The following OBSL1 variants were observed in gnomAD, a reference collection of about 807,000 sequenced individuals.
The protein encoded by OBSL1 is obscurin-like protein 1.
In OBSL1, 160 loss-of-function variants were observed where a neutral mutation model predicts 172.0. The observed-to-expected ratio is 0.93, with a 90% CI of 0.82 to 1.06. The LOEUF (loss-of-function observed/expected upper bound fraction) is 1.06, where lower values mean the gene tolerates loss of function less well. Among genes scored for constraint, OBSL1 ranks in the 50% least tolerant of loss-of-function variants. The pLI is 0.00. For missense variants in OBSL1, 2,681 were observed against 2,715.4 expected (o/e 0.99, Z 0.28); for synonymous variants, 1,200 against 1,196.3 (o/e 1.00, Z -0.06).
In OBSL1 at chr2:219,554,624, C is replaced by T; in HGVS notation, c.4726G>A (p.Gly1576Arg). Residue 1576 changes from glycine to arginine, a missense_variant, in exon 15 of 21, where the codon GGA becomes AGA. This residue lies in a region of OBSL1 where 1,765 missense variants were observed against 1,748.3 expected (regional missense o/e 1.01). Transcript: ENST00000404537. ...EGVTGEWARG[G>R]VQLYPGPKCH... The stretch of plus-strand genomic sequence containing the variant: ...TTGGGTCCTGGATACAGCTGTACTC[C>T]ACCCCGGGCCCACTCCCCGGTCACA... 1 of 1,612,210 alleles carries T rather than the reference C, an allele frequency of 6.2e-7. No individual in the cohort carries two copies. Among genetic ancestry groups the T allele is most frequent in the Non-Finnish European group, 8.5e-7 (1 of 1,179,268 alleles).
chr2:219,562,528 C>CG lies in OBSL1; in HGVS notation c.2826dup (p.Ala943ArgfsTer29), dbSNP rs759648512. ...GTGTCTTCCTTCTGCAGGAGCAGCGCGGGGCTCTCCACCACCTCCTCTCCA... is the reference window on the plus strand; with the variant it reads ...GTGTCTTCCTTCTGCAGGAGCAGCGCGGGGGCTCTCCACCACCTCCTCTCCA... On this transcript the variant is annotated frameshift_variant, in exon 8 of 21. Coordinates refer to ENST00000404537, the MANE Select transcript of OBSL1 (RefSeq NM_015311.3). LOFTEE classifies it high-confidence loss of function. 22 of 1,613,834 alleles carry CG rather than the reference C, an allele frequency of 1.4e-5. No homozygotes were observed. The Admixed American group carries it at 3.7e-4, about 27-fold the overall frequency.
chr2:219,566,838 G>A lies in OBSL1; in HGVS notation c.2126C>T (p.Thr709Ile). 5 of 1,579,460 alleles carry A rather than the reference G, an allele frequency of 3.2e-6. No individual in the cohort carries two copies. Among genetic ancestry groups the A allele is most frequent in the Non-Finnish European group, 4.3e-6 (5 of 1,155,872 alleles). The change falls in exon 5 of 21, where the codon ACA (threonine) becomes ATA (isoleucine). Residue 709 changes from threonine to isoleucine, a missense_variant. Around this residue, in one of 5 missense-constraint regions of OBSL1, gnomAD observed 1,765 missense variants for 1,748.3 expected, o/e 1.01. Coordinates refer to ENST00000404537, the MANE Select transcript of OBSL1 (RefSeq NM_015311.3). ...TCCCCACTGGCACCAACCTTGGATT[G>A]TGAGGGCAGCTGAGTCCTGCACGCC... The part of the protein sequence containing the change: ...CPGVQDSAAL[T>I]IQESPVHILS...
Position 219,553,690 on chromosome 2 carries a change from G to A in OBSL1, c.4877-4C>T, listed in dbSNP as rs1426838463. ...CGCACGATGGTCACTGGGACCTCTG[G>A]GGGTGGGAGAGGGAGGACAGTGCAG... On this transcript the variant is annotated splice_polypyrimidine_tract_variant and splice_region_variant and intron_variant, in intron 15 of 20. Transcript: ENST00000404537. 1 of 1,609,916 alleles carries A rather than the reference G, an allele frequency of 6.2e-7. No individual in the cohort carries two copies. Among genetic ancestry groups the A allele is most frequent in the South Asian group, 1.1e-5 (1 of 90,866 alleles).
Position 219,556,218 on chromosome 2 carries a change from C to T in OBSL1, c.4411G>A (p.Glu1471Lys). ...CCCGCTGCACCCACTCGGCCTGTCT[C>T]CACTTCGAGACACACATCCTGGCCT... Reference protein sequence around the residue: ...EEGQDVCLEVETGRVGAAGAV... With the variant: ...EEGQDVCLEVKTGRVGAAGAV... The change falls in exon 14 of 21, where the codon GAG becomes AAG. Residue 1471 changes from glutamate to lysine, a missense_variant. Physicochemically the swap from Glu to Lys is moderately conservative, Grantham distance 56. Around this residue, in one of 5 missense-constraint regions of OBSL1, gnomAD observed 1,765 missense variants for 1,748.3 expected, o/e 1.01. Coordinates refer to ENST00000404537, the MANE Select transcript of OBSL1 (RefSeq NM_015311.3). The T allele has an allele frequency of 6.2e-7, 1 of 1,610,204 alleles. No homozygotes were observed. Among genetic ancestry groups the T allele is most frequent in the South Asian group, 1.1e-5 (1 of 90,690 alleles).
At chr2:219,562,870 TTTC>T in intron 7 of OBSL1, 196 bp from the exon 8 acceptor site, 1 of 640,990 alleles carries the variant, frequency 1.6e-6, no homozygotes, top group East Asian at 2.7e-5. Flanking sequence ...CACAGCAGAC[TTTC>T]TGCTGCGCAG....
chr2:219,555,013 T>A (rs1695896533), intron 14 of OBSL1, among the ~76,000 whole-genome samples: 1 of 152,042 alleles, frequency 6.6e-6, no homozygotes, highest in Non-Finnish European at 1.5e-5. Context: ...GCTGTGACAC[T>A]TGAAGGAGCA....
At chr2:219,547,592 G>A (rs1695416834), downstream of OBSL1, 1 of 1,476,428 alleles carries the variant, frequency 6.8e-7, no homozygotes, top group Non-Finnish European at 9.0e-7. Flanking sequence ...CCGAGAGCGG[G>A]TGCTAGAGAC....
chr2:219,553,694 T>TG lies in OBSL1; in HGVS notation c.4877-9dup. ...CGATGGTCACTGGGACCTCTGGGGG[T>TG]GGGAGAGGGAGGACAGTGCAGAGGG... On this transcript the variant is annotated splice_polypyrimidine_tract_variant and intron_variant, in intron 15 of 20. Coordinates refer to ENST00000404537, the MANE Select transcript of OBSL1 (RefSeq NM_015311.3). The TG allele has an allele frequency of 6.2e-7, 1 of 1,604,382 alleles. No individual in the cohort carries two copies. The highest frequency in any genetic ancestry group is 8.5e-7 in the Non-Finnish European group (1 of 1,173,424).
In OBSL1 at chr2:219,567,852, T is replaced by G; in HGVS notation, c.1400A>C (p.Glu467Ala). ...GCTGCTCTGGCAGATGACCGGCAGC[T>G]CCTCCCCATCACGGCTCCAGCGTCC... ...VEGRWSRDGEELPVICQSSSG... is the reference protein window; with the variant it reads ...VEGRWSRDGEALPVICQSSSG... Residue 467 changes from glutamate (E) to alanine (A), a missense_variant, in exon 3 of 21, where the codon GAG becomes GCG. Physicochemically the swap from Glu to Ala is moderately radical, Grantham distance 107. Coordinates refer to ENST00000404537, the MANE Select transcript of OBSL1 (RefSeq NM_015311.3). The G allele has an allele frequency of 1.2e-6, 2 of 1,613,704 alleles. No individual in the cohort carries two copies. Among genetic ancestry groups the G allele is most frequent in the Non-Finnish European group, 1.7e-6 (2 of 1,179,860 alleles).
At chr2:219,547,946 G>C (rs376842277), downstream of OBSL1, 3 of 1,592,392 alleles carry the variant, frequency 1.9e-6, no homozygotes, top group East Asian at 6.8e-5. Context: ...CTACGTGGTG[G>C]AGCGACTCCG....
rs1229569401 is a variant in OBSL1 at position 219,568,118 on chromosome 2, C to G, written c.1219G>C (p.Asp407His). 2.5e-6 allele frequency: 4 copies of G among 1,613,834 alleles called. No individual in the cohort carries two copies. The South Asian group carries it at 3.3e-5, about 13-fold the overall frequency. Residue 407 changes from aspartate to histidine, a missense_variant, in exon 2 of 21, where the codon GAT becomes CAT. Physicochemically the swap from Asp to His is moderately conservative, Grantham distance 81. This residue lies in a region of OBSL1 where 706 missense variants were observed against 695.8 expected (regional missense o/e 1.01). Transcript: ENST00000404537. The surrounding 1 kb of genome is among the most constrained non-coding windows in gnomAD (Gnocchi z 4.1). ...LIIHRLKADD[D>H]GIYLCEMRGR... ...CGCATCTCGCACAGGTAGATACCAT[C>G]ATCGTCTGCCTTCAGCCTGTGGATG...
At position 219,551,675 on chromosome 2, in the gene OBSL1, G is replaced by A. The variant is rs1172857045; in HGVS notation, c.5537C>T (p.Ala1846Val). 4 of 1,610,716 alleles carry A rather than the reference G, an allele frequency of 2.5e-6. No homozygotes were observed. The Admixed American group carries it at 5.0e-5, about 20-fold the overall frequency. ...GGHVCWLREG[A>V]ELCPGDKYEM... ...ATACTTATCTCCCGGGCACAGCTCGGCCCCCTCCCGCAGCCAGCACACGTG... is the reference window on the plus strand; with the variant it reads ...ATACTTATCTCCCGGGCACAGCTCGACCCCCTCCCGCAGCCAGCACACGTG... Residue 1846 changes from alanine (A) to valine (V), a missense_variant, in exon 20 of 21, where the codon GCC becomes GTC. By Grantham distance (64) the Ala-to-Val change is moderately conservative. Coordinates refer to ENST00000404537, the MANE Select transcript of OBSL1 (RefSeq NM_015311.3).
chr2:219,554,865 A>G, intron 14 of OBSL1, 125 bp from the exon 15 acceptor site: 1 of 1,137,496 alleles, frequency 8.8e-7, no homozygotes, highest in Admixed American at 2.9e-5. Context: ...TGACCAAAAA[A>G]GTTCGGAACC....
In OBSL1 at chr2:219,571,081, T is replaced by C; in HGVS notation, c.152A>G (p.Gln51Arg). Residue 51 changes from glutamine (Q) to arginine (R), a missense_variant, in exon 1 of 21, where the codon CAG becomes CGG. Coordinates refer to ENST00000404537, the MANE Select transcript of OBSL1 (RefSeq NM_015311.3). ...PVVVWEKGGQ[Q>R]LAASERLSFP... Reference sequence around the variant, plus strand: ...GCTCAGGCGTTCCGAGGCCGCCAGCTGCTGCCCGCCCTTCTCCCACACCAC... The same window carrying C: ...GCTCAGGCGTTCCGAGGCCGCCAGCCGCTGCCCGCCCTTCTCCCACACCAC... 1 of 1,469,482 alleles carries C rather than the reference T, an allele frequency of 6.8e-7. No homozygotes were observed. The highest frequency in any genetic ancestry group is 1.3e-5 in the South Asian group (1 of 77,432). The allele number at this position is 1,469,482 out of a possible 1,614,324, so 91.0% of individuals were successfully genotyped here. A position where few individuals can be genotyped will look rare whatever the true frequency, so the allele number is the denominator to read the frequency against.
intron 14 of OBSL1, chr2:219,555,746 C>T: frequency 7.5e-7 from 1 of 1,338,178 alleles, no homozygotes. Context: ...CTGAAGGATG[C>T]CCATGGCAAG....
downstream of OBSL1, among the ~76,000 whole-genome samples, chr2:219,548,543 C>G (rs1574506851): frequency 6.6e-6 from 1 of 152,126 alleles, no homozygotes; most frequent in Admixed American, 6.5e-5. Context: ...GCCAGCCATG[C>G]AAAGAGCTAG....
At position 219,563,479 on chromosome 2, in the gene OBSL1, G is replaced by A. The variant is rs772711993; in HGVS notation, c.2556C>T (p.Phe852=). 50 of 1,613,920 alleles carry A rather than the reference G, an allele frequency of 3.1e-5. No homozygotes were observed. Among genetic ancestry groups the A allele is most frequent in the Middle Eastern group, 1.6e-4 (1 of 6,062 alleles). Residue 852 remains phenylalanine, a synonymous_variant, in exon 7 of 21, where the codon TTC becomes TTT. Coordinates refer to ENST00000404537, the MANE Select transcript of OBSL1 (RefSeq NM_015311.3). ...GGGGCCCCTCATTCTCCAGCACCACGAAGTCACTCTCCTCCACCTCCTGCC... is the reference window on the plus strand; with the variant it reads ...GGGGCCCCTCATTCTCCAGCACCACAAAGTCACTCTCCTCCACCTCCTGCC... ...KDGQEVEESD[F]VVLENEGPHR...
chr2:219,559,725 C>A lies in OBSL1; in HGVS notation c.2954-228G>T, dbSNP rs1462868568. The A allele has an allele frequency of 9.6e-5, 51 of 528,630 alleles. 1 individual carries two copies. The highest frequency in any genetic ancestry group is 2.0e-5 in the Non-Finnish European group (6 of 299,790). 32.7% of individuals were successfully genotyped at this position (528,630 alleles called of 1,614,324 possible). On this transcript the variant is annotated intron_variant, in intron 8 of 20. Coordinates refer to ENST00000404537, the MANE Select transcript of OBSL1 (RefSeq NM_015311.3). Reference sequence around the variant, plus strand: ...GAAATGATGCGTTTCTCATCTATCACATACCTTCCTCAGCCCCCACGGGAG... The same window carrying A: ...GAAATGATGCGTTTCTCATCTATCAAATACCTTCCTCAGCCCCCACGGGAG...
chr2:219,551,529 C>T lies in OBSL1; in HGVS notation c.5683G>A (p.Gly1895Ser), dbSNP rs1446173629. The change falls in exon 20 of 21, where the codon GGC becomes AGC. Residue 1895 changes from glycine (G) to serine (S), a missense_variant and splice_region_variant. Transcript: ENST00000404537. ...CCGCTGCCCAGTTGGCTTTACTCAC[C>T]CTCTACCAGCAGCCGTGTGTGGGTG... Reference protein sequence around the residue: ...DSTHTRLLVEGN With the variant: ...DSTHTRLLVESN 6 of 1,584,774 alleles carry T rather than the reference C, an allele frequency of 3.8e-6. No individual in the cohort carries two copies. The highest frequency in any genetic ancestry group is 3.5e-5 in the South Asian group (3 of 86,894).
Sources: gnomAD v4.1 joint callset for allele counts (sites outside exome capture counted in the v4.1 genomes callset) on GRCh38, gnomAD v4.1.1 for gene constraint, gnomAD v4.1.1 regional missense constraint, Gnocchi (gnomAD v3.1) non-coding constraint, MANE v1.5 for transcripts, NCBI Gene and HGNC (gene_info 2026-07-23, HGNC 2026-07-21) for gene names.